Variants in RNF157 observed in about 807,000 individuals in gnomAD.
The protein encoded by RNF157 is ring finger protein 157, also known as E3 ubiquitin ligase RNF157.
Under a neutral mutation model 88.3 loss-of-function variants are expected in RNF157, and 55 were observed. The observed-to-expected ratio is 0.62, with a 90% CI of 0.50 to 0.78. The LOEUF (loss-of-function observed/expected upper bound fraction) is 0.78. Ranked by LOEUF, RNF157 falls within the 30% of genes least tolerant of loss-of-function variation. The pLI is 0.00. For synonymous variants in RNF157, 334 were observed against 341.2 expected, an observed-to-expected ratio of 0.98 and a Z score of 0.23; for missense variants, 788 against 860.8, an observed-to-expected ratio of 0.92 and a Z score of 1.06.
intron 2 of RNF157, among the ~76,000 whole-genome samples, chr17:76,189,149 T>C (rs1026414226): frequency 6.6e-6 from 1 of 152,066 alleles, no homozygotes; most frequent in Non-Finnish European, 1.5e-5. Context: ...GAAAGGACAA[T>C]AGAGGAAAAG....
intron 1 of RNF157, among the ~76,000 whole-genome samples, chr17:76,238,482 A>C (rs1369808320): frequency 6.6e-6 from 1 of 152,198 alleles, no homozygotes; most frequent in Non-Finnish European, 1.5e-5. Context: ...GGTTTGGTCT[A>C]TTGTCTTTTT....
chr17:76,169,454 T>C (rs924821079), intron 3 of RNF157, among the ~76,000 whole-genome samples: 8 of 152,276 alleles, frequency 5.3e-5, no homozygotes, highest in Admixed American at 3.3e-4. Flanking sequence ...TTATTTTATA[T>C]AGAGATGGGG....
At chr17:76,226,389 G>T (rs533706262) in intron 1 of RNF157, 13 of 1,593,680 alleles carry the variant, frequency 8.2e-6, no homozygotes, top group Non-Finnish European at 1.1e-5. Flanking sequence ...TGGCCAATTG[G>T]GTTCACCATC....
chr17:76,149,251 CACCAG>C (rs1168911543), intron 18 of RNF157, among the ~76,000 whole-genome samples: 1 of 151,972 alleles, frequency 6.6e-6, no homozygotes, highest in Non-Finnish European at 1.5e-5. Context: ...CAGTCCTTGC[CACCAG>C]CCAGGTCTCC....
At chr17:76,183,967 G>A (rs1400830070) in intron 2 of RNF157, among the ~76,000 whole-genome samples, 1 of 152,046 alleles carries the variant, frequency 6.6e-6, no homozygotes, top group Non-Finnish European at 1.5e-5. Context: ...AGGTGGGCGG[G>A]TTGGTTGAGG....
intron 18 of RNF157, among the ~76,000 whole-genome samples, chr17:76,150,628 CA>C (rs200237871): frequency 0.031 from 4,678 of 152,002 alleles, 102 homozygotes; most frequent in Non-Finnish European, 0.048. Context: ...AAGAAAGAGA[CA>C]TCATCTTCAC....
chr17:76,181,424 CT>C (rs975443460), intron 2 of RNF157, among the ~76,000 whole-genome samples: 6 of 152,088 alleles, frequency 3.9e-5, no homozygotes, highest in African/African-American at 1.2e-4. Context: ...ATGACAAAAT[CT>C]TTGTCTATAA....
At chr17:76,151,460 T>C (rs2068675814) in intron 18 of RNF157, among the ~76,000 whole-genome samples, 1 of 152,202 alleles carries the variant, frequency 6.6e-6, no homozygotes, top group African/African-American at 2.4e-5. Flanking sequence ...GGACCCGTGA[T>C]GTGGCTGTTC....
Position 76,226,850 on chromosome 17 carries a change from G to A in RNF157, c.88+13303C>T. 5 of 1,442,074 alleles carry A rather than the reference G, an allele frequency of 3.5e-6. No individual in the cohort carries two copies. The Admixed American group carries it at 8.9e-5, about 26-fold the overall frequency. 89.3% of individuals were successfully genotyped at this position (1,442,074 alleles called of 1,614,324 possible). A position where few individuals can be genotyped will look rare whatever the true frequency, so the allele number is the denominator to read the frequency against. On this transcript the variant is annotated intron_variant, in intron 1 of 18. Coordinates refer to ENST00000269391, the MANE Select transcript of RNF157 (RefSeq NM_052916.3). Reference sequence around the variant, plus strand: ...AATCGAGTAATGTGCTTAATTCGAAGGTGTCTTTGTCGGTTACAGCAATGC... The same window carrying A: ...AATCGAGTAATGTGCTTAATTCGAAAGTGTCTTTGTCGGTTACAGCAATGC...
chr17:76,233,764 C>T (rs1056472375), intron 1 of RNF157, among the ~76,000 whole-genome samples: 2 of 151,998 alleles, frequency 1.3e-5, no homozygotes, highest in Non-Finnish European at 2.9e-5. Context: ...AACTCCTGGG[C>T]TTAAGCCATC....
chr17:76,175,772 C>A, intron 2 of RNF157: 7 of 985,220 alleles, frequency 7.1e-6, no homozygotes, highest in Non-Finnish European at 8.4e-6. Flanking sequence ...AAAGATGCGT[C>A]TTTTCCCTTA....
intron 4 of RNF157, among the ~76,000 whole-genome samples, chr17:76,167,445 C>T (rs960224942): frequency 6.6e-6 from 1 of 152,172 alleles, no homozygotes; most frequent in African/African-American, 2.4e-5. Flanking sequence ...AGAAGAAAGT[C>T]TAAATTCAGG....
chr17:76,207,836 C>G (rs529094135), intron 2 of RNF157, among the ~76,000 whole-genome samples: 55 of 152,248 alleles, frequency 3.6e-4, no homozygotes, highest in African/African-American at 1.2e-3. Context: ...ATGGCAAAAC[C>G]CAGAGGTCAG....
intron 1 of RNF157, among the ~76,000 whole-genome samples, chr17:76,222,131 A>T (rs896657416): frequency 1.3e-5 from 2 of 152,230 alleles, no homozygotes; most frequent in Non-Finnish European, 2.9e-5. Flanking sequence ...GGATCACTTA[A>T]GGTCAGGAGT....
chr17:76,212,618 T>G (rs2069821753), intron 1 of RNF157, 136 bp from the exon 2 acceptor site: 2 of 593,774 alleles, frequency 3.4e-6, no homozygotes, highest in Non-Finnish European at 5.9e-6. Flanking sequence ...TCCCAGCACT[T>G]TGGGAGGCTG....
rs528124713 is a variant in RNF157 at position 76,184,084 on chromosome 17, G to A, written c.208-10294C>T. On this transcript the variant is annotated intron_variant, in intron 2 of 18. Coordinates refer to ENST00000269391, the MANE Select transcript of RNF157 (RefSeq NM_052916.3). ...CACGCGCCTGTAATCCTAGCTACTT[G>A]GGAGGCTGAGGCAAGATAATCACTT... Among the ~76,000 whole-genome samples the A allele has an allele frequency of 2.0e-5, 3 of 151,994 alleles. No homozygotes were observed. The East Asian group carries it at 5.8e-4, about 29-fold the overall frequency.
In RNF157 at chr17:76,176,037, CAGG is replaced by C. The variant is rs1232869945; in HGVS notation, c.208-2250_208-2248del. The stretch of plus-strand genomic sequence containing the variant: ...ACAAGACAACAACGGCAAATCTGTT[CAGG>C]AGAAGCTTGTTCGTGGGCTGCTACC... On this transcript the variant is annotated intron_variant, in intron 2 of 18. Coordinates refer to ENST00000269391, the MANE Select transcript of RNF157 (RefSeq NM_052916.3). This position sits in a 1 kb window ranked among gnomAD's most constrained non-coding sequence, Gnocchi z 4.2. Among the ~76,000 whole-genome samples, 8 of 152,180 alleles carry C rather than the reference CAGG, an allele frequency of 5.3e-5. No individual in the cohort carries two copies. The South Asian group carries it at 8.3e-4, about 16-fold the overall frequency.
intron 2 of RNF157, among the ~76,000 whole-genome samples, chr17:76,209,596 G>A (rs2069742149): frequency 1.3e-5 from 2 of 151,660 alleles, no homozygotes; most frequent in East Asian, 1.9e-4. Flanking sequence ...CCAAAAGATT[G>A]GACATCCCTG....
chr17:76,201,296 G>T (rs1391402841), intron 2 of RNF157, among the ~76,000 whole-genome samples: 4 of 143,852 alleles, frequency 2.8e-5, no homozygotes, highest in Non-Finnish European at 4.5e-5. Context: ...GACCAGCCTT[G>T]GCAACATAGT....
Sources: allele counts gnomAD v4.1 joint callset (sites outside exome capture counted in the v4.1 genomes callset), GRCh38; gene constraint gnomAD v4.1.1; non-coding constraint Gnocchi (gnomAD v3.1); transcripts MANE v1.5; gene names NCBI Gene and HGNC (gene_info 2026-07-23, HGNC 2026-07-21).